TTYH3: variants seen among roughly 807,000 people sequenced by gnomAD.
The protein encoded by TTYH3 is protein tweety homolog 3.
A neutral mutation model predicts 68.2 loss-of-function variants in TTYH3; 23 were observed. That is an observed-to-expected ratio of 0.34 (90% CI 0.24 to 0.48). The LOEUF is 0.48. Among genes scored for constraint, TTYH3 ranks in the 20% least tolerant of loss-of-function variants. The pLI, the probability that TTYH3 is intolerant of heterozygous loss-of-function variation, is 0.99. For missense variants in TTYH3, 768 were observed against 727.7 expected, an observed-to-expected ratio of 1.06 and a Z score of -0.64; for synonymous variants, 360 against 332.8, an observed-to-expected ratio of 1.08 and a Z score of -0.89.
Position 2,664,641 on chromosome 7 carries a change from T to C in TTYH3, c.*2902T>C, listed in dbSNP as rs1015726636. 3 of 152,420 alleles carry C rather than the reference T, an allele frequency of 2.0e-5. No homozygotes were observed. Among genetic ancestry groups the C allele is most frequent in the Non-Finnish European group, 4.4e-5 (3 of 68,008 alleles). 9.4% of individuals were successfully genotyped at this position (152,420 alleles called of 1,614,324 possible). On this transcript the variant is annotated 3_prime_UTR_variant, in exon 14 of 14. Coordinates refer to ENST00000258796, the MANE Select transcript of TTYH3 (RefSeq NM_025250.3). Reference sequence around the variant, plus strand: ...TCTGTAGGGCCATGGCTGTATGTACTGTCGCTGTGTTTTTTTGTTTTTTTA... The same window carrying C: ...TCTGTAGGGCCATGGCTGTATGTACCGTCGCTGTGTTTTTTTGTTTTTTTA...
chr7:2,648,670 G>C (rs1786069180), intron 5 of TTYH3: 1 of 152,820 alleles, frequency 6.5e-6, no homozygotes. Flanking sequence ...CAGAGGAGCA[G>C]AATGAGGGAA....
intron 1 of TTYH3, among the ~76,000 whole-genome samples, chr7:2,638,650 G>A (rs1394545678): frequency 6.6e-6 from 1 of 152,216 alleles, no homozygotes; most frequent in East Asian, 1.9e-4. Flanking sequence ...CTGGCTGCAC[G>A]TCCTCCAGGC....
chr7:2,650,477 C>G (rs1476247021), intron 7 of TTYH3, among the ~76,000 whole-genome samples: 1 of 152,022 alleles, frequency 6.6e-6, no homozygotes, highest in African/African-American at 2.4e-5. Context: ...ACTCCGGAGA[C>G]TGAGGCACGA....
intron 11 of TTYH3, among the ~76,000 whole-genome samples, chr7:2,657,780 G>A (rs1352428964): frequency 6.6e-6 from 1 of 152,224 alleles, no homozygotes; most frequent in Admixed American, 6.5e-5. Flanking sequence ...CTGCCAGGCA[G>A]CCCACCCTGT....
intron 1 of TTYH3, among the ~76,000 whole-genome samples, chr7:2,637,167 C>T (rs1459096499): frequency 6.7e-6 from 1 of 149,232 alleles, no homozygotes; most frequent in Admixed American, 6.7e-5. Flanking sequence ...TTCTGGGCAT[C>T]TCCATGGTGA....
In TTYH3 at chr7:2,645,121, C is replaced by A. The variant is rs1297719729; in HGVS notation, c.124-1732C>A. ...ACACTGAGGGCCCCAGCTGCTGACACCCCCCAGGGCACCCCCAAGTTAGCC... is the reference window on the plus strand; with the variant it reads ...ACACTGAGGGCCCCAGCTGCTGACAACCCCCAGGGCACCCCCAAGTTAGCC... On this transcript the variant is annotated intron_variant, in intron 1 of 13. Transcript: ENST00000258796. The surrounding 1 kb of genome is among the most constrained non-coding windows in gnomAD (Gnocchi z 4.8). Among the ~76,000 whole-genome samples, 1 of 102 alleles carries A rather than the reference C, an allele frequency of 9.8e-3. No homozygotes were observed. Among genetic ancestry groups the A allele is most frequent in the Non-Finnish European group, 0.025 (1 of 40 alleles). The allele number at this position is 102 out of a possible 152,430, so 0.1% of individuals were successfully genotyped here. A position where few individuals can be genotyped will look rare whatever the true frequency, so the allele number is the denominator to read the frequency against.
At chr7:2,656,237 G>T in intron 10 of TTYH3, 53 bp downstream of exon 10, 1 of 1,546,140 alleles carries the variant, frequency 6.5e-7, no homozygotes. Flanking sequence ...GTGGGAACAG[G>T]GGAGCAGCTG....
intron 1 of TTYH3, among the ~76,000 whole-genome samples, chr7:2,644,941 G>C (rs954583049): frequency 9.2e-5 from 14 of 152,234 alleles, no homozygotes; most frequent in African/African-American, 2.2e-4. Flanking sequence ...TCATCCCAAG[G>C]GGGGGCCAGG....
In TTYH3 at chr7:2,664,062, G is replaced by A. The variant is rs1358711602; in HGVS notation, c.*2323G>A. The A allele has an allele frequency of 1.3e-5, 2 of 152,520 alleles. No homozygotes were observed. Among genetic ancestry groups the A allele is most frequent in the East Asian group, 1.9e-4 (1 of 5,324 alleles). The allele number at this position is 152,520 out of a possible 1,614,324, so 9.4% of individuals were successfully genotyped here. A position where few individuals can be genotyped will look rare whatever the true frequency, so the allele number is the denominator to read the frequency against. ...CCCCCACTCTCACCCTGCACAGGGG[G>A]TCTTGCAGCCCCCAGGCCCACAGCC... On this transcript the variant is annotated 3_prime_UTR_variant, in exon 14 of 14. Coordinates refer to ENST00000258796, the MANE Select transcript of TTYH3 (RefSeq NM_025250.3).
intron 1 of TTYH3, 151 bp from the exon 2 acceptor site, chr7:2,646,702 A>T: frequency 1.2e-6 from 1 of 829,386 alleles, no homozygotes; most frequent in Non-Finnish European, 1.8e-6. Flanking sequence ...GGGAGACTCC[A>T]TGCCTCACCT....
chr7:2,652,864 G>A (rs1360249493), intron 8 of TTYH3, 54 bp from the exon 9 acceptor site: 1 of 1,419,648 alleles, frequency 7.0e-7, no homozygotes, highest in Non-Finnish European at 9.5e-7. Context: ...CCTGGGGAGG[G>A]AGAGGCGGGC....
At chr7:2,648,768 C>T (rs1583566944) in intron 5 of TTYH3, among the ~76,000 whole-genome samples, 1 of 151,514 alleles carries the variant, frequency 6.6e-6, no homozygotes, top group East Asian at 1.9e-4. Flanking sequence ...GGGGGGGGTG[C>T]AGCTTCACGC....
At chr7:2,649,434 A>G in intron 5 of TTYH3, 133 bp from the exon 6 acceptor site, 1 of 865,860 alleles carries the variant, frequency 1.2e-6, no homozygotes, top group Non-Finnish European at 1.8e-6. Flanking sequence ...AGGCCAGGCC[A>G]CAGGAAGAGC....
At chr7:2,650,343 C>G (rs964303207) in intron 7 of TTYH3, among the ~76,000 whole-genome samples, 1 of 152,044 alleles carries the variant, frequency 6.6e-6, no homozygotes, top group African/African-American at 2.4e-5. Context: ...TTTGGGAGGC[C>G]GAGGCGGGTG....
chr7:2,661,559 C>A, intron 13 of TTYH3, 109 bp from the exon 14 acceptor site: 1 of 1,102,066 alleles, frequency 9.1e-7, no homozygotes, highest in Non-Finnish European at 1.3e-6. Context: ...CTGTCCCATT[C>A]TGCCCCCAGG....
At position 2,645,837 on chromosome 7, in the gene TTYH3, C is replaced by T. The variant is rs963500864; in HGVS notation, c.124-1016C>T. ...CAGGCTCCCAATTTCCCTACCAGAC[C>T]TGAAAACCTCAGGACTACAGCTGGG... On this transcript the variant is annotated intron_variant, in intron 1 of 13. Coordinates refer to ENST00000258796, the MANE Select transcript of TTYH3 (RefSeq NM_025250.3). This position sits in a 1 kb window ranked among gnomAD's most constrained non-coding sequence, Gnocchi z 4.8. The T allele has an allele frequency of 2.1e-6, 1 of 470,754 alleles. No homozygotes were observed. Among genetic ancestry groups the T allele is most frequent in the Non-Finnish European group, 4.4e-6 (1 of 227,008 alleles). 29.2% of individuals were successfully genotyped at this position (470,754 alleles called of 1,614,324 possible).
chr7:2,637,943 G>A (rs1359519497), intron 1 of TTYH3, among the ~76,000 whole-genome samples: 1 of 152,232 alleles, frequency 6.6e-6, no homozygotes, highest in Non-Finnish European at 1.5e-5. Context: ...CACCCACAGA[G>A]TGCCAGTGCC....
intron 1 of TTYH3, among the ~76,000 whole-genome samples, chr7:2,634,342 A>T (rs975527619): frequency 1.3e-5 from 2 of 152,160 alleles, no homozygotes; most frequent in African/African-American, 4.8e-5. Context: ...CCTGGGAGGC[A>T]AGGGCCAGGA....
chr7:2,632,502 C>G (rs1785549019), intron 1 of TTYH3, among the ~76,000 whole-genome samples: 1 of 152,134 alleles, frequency 6.6e-6, no homozygotes, highest in Non-Finnish European at 1.5e-5. Context: ...CCTCAAAGGT[C>G]TAAATACCCT....
Sources: gnomAD v4.1 joint callset for allele counts (sites outside exome capture counted in the v4.1 genomes callset) on GRCh38, gnomAD v4.1.1 for gene constraint, Gnocchi (gnomAD v3.1) non-coding constraint, MANE v1.5 for transcripts, NCBI Gene and HGNC (gene_info 2026-07-23, HGNC 2026-07-21) for gene names.